TPRG1: variants seen among roughly 807,000 people sequenced by gnomAD.
TPRG1 encodes the protein tumor protein p63 regulated 1.
Under a neutral mutation model 29.3 loss-of-function variants are expected in TPRG1, and 29 were observed. That is an observed-to-expected ratio of 0.99 (90% CI 0.74 to 1.35). The LOEUF (loss-of-function observed/expected upper bound fraction) is 1.35, where lower values mean the gene tolerates loss of function less well. Among genes scored for constraint, TPRG1 ranks in the 40% most tolerant of loss-of-function variants. The pLI is 0.00. For synonymous variants in TPRG1, 130 were observed against 116.8 expected (o/e 1.11, Z -0.73); for missense variants, 327 against 335.0 (o/e 0.98, Z 0.19).
intron 2 of TPRG1, among the ~76,000 whole-genome samples, chr3:189,127,981 C>T (rs973241831): frequency 6.6e-6 from 1 of 152,208 alleles, no homozygotes; most frequent in Admixed American, 6.5e-5. Flanking sequence ...AAGAGGTGGG[C>T]TCCTACTTTA....
chr3:189,083,445 G>A (rs796531637), intron 4 of TPRG1, among the ~76,000 whole-genome samples: 31 of 152,318 alleles, frequency 2.0e-4, no homozygotes, highest in African/African-American at 6.7e-4. Context: ...GGCCTGTCAC[G>A]CCATCTACCC....
intron 4 of TPRG1, among the ~76,000 whole-genome samples, chr3:189,041,041 T>C (rs710514): frequency 1 from 152,156 of 152,312 alleles, 76,000 homozygotes; most frequent in Middle Eastern, 1. Flanking sequence ...TGAACCAGGG[T>C]GCCTTTGCAC....
At chr3:189,251,647 A>G (rs1447654789) in intron 4 of TPRG1, among the ~76,000 whole-genome samples, 2 of 152,210 alleles carry the variant, frequency 1.3e-5, no homozygotes, top group East Asian at 1.9e-4. Context: ...AGGTCTCTGC[A>G]TCATAGACAA....
chr3:189,245,048 G>T (rs768915358), intron 4 of TPRG1, among the ~76,000 whole-genome samples: 2 of 152,056 alleles, frequency 1.3e-5, no homozygotes, highest in African/African-American at 2.4e-5. Context: ...AGCCTCCCAA[G>T]TAGCTGAGAT....
chr3:189,039,800 C>T (rs1406564109), intron 4 of TPRG1, among the ~76,000 whole-genome samples: 1 of 151,294 alleles, frequency 6.6e-6, no homozygotes, highest in Non-Finnish European at 1.5e-5. Flanking sequence ...TCAGATGGCA[C>T]CTTGGAAAGG....
rs1051962957 is a variant in TPRG1 at position 189,325,087 on chromosome 3, G to A, written c.*4267G>A. On this transcript the variant is annotated 3_prime_UTR_variant, in exon 6 of 6. Coordinates refer to ENST00000345063, the MANE Select transcript of TPRG1 (RefSeq NM_198485.4). The stretch of plus-strand genomic sequence containing the variant: ...GCTAAGGAAAAACTCTGAGGCCTTG[G>A]AGTTACTGAGAGTGGACCAATACTT... 1 of 152,020 alleles carries A rather than the reference G, an allele frequency of 6.6e-6. No individual in the cohort carries two copies. The highest frequency in any genetic ancestry group is 2.4e-5 in the African/African-American group (1 of 41,370). 9.4% of individuals were successfully genotyped at this position (152,020 alleles called of 1,614,324 possible). A position where few individuals can be genotyped will look rare whatever the true frequency, so the allele number is the denominator to read the frequency against.
At chr3:189,156,808 T>A (rs187888497) in intron 5 of TPRG1, among the ~76,000 whole-genome samples, 2 of 152,340 alleles carry the variant, frequency 1.3e-5, no homozygotes, top group Admixed American at 1.3e-4. Flanking sequence ...TATTTCTTAT[T>A]TTAAGGTACA....
chr3:189,280,953 AGGT>A (rs1717030834), intron 4 of TPRG1, among the ~76,000 whole-genome samples: 1 of 152,178 alleles, frequency 6.6e-6, no homozygotes, highest in Admixed American at 6.5e-5. Flanking sequence ...GATTCAGGAA[AGGT>A]GGTCTGCAGC....
intron 4 of TPRG1, among the ~76,000 whole-genome samples, chr3:189,081,493 T>C (rs960356869): frequency 2.0e-5 from 3 of 152,172 alleles, no homozygotes; most frequent in Non-Finnish European, 4.4e-5. Context: ...CAAGGTATAG[T>C]TACATGATGA....
intron 3 of TPRG1, among the ~76,000 whole-genome samples, chr3:189,143,546 A>G (rs1724855908): frequency 6.6e-6 from 1 of 152,212 alleles, no homozygotes; most frequent in South Asian, 2.1e-4. Context: ...CTGTGTGAGT[A>G]TGGTCTCCTC....
chr3:189,285,278 T>G (rs1717862868), intron 4 of TPRG1, among the ~76,000 whole-genome samples: 1 of 152,178 alleles, frequency 6.6e-6, no homozygotes, highest in South Asian at 2.1e-4. Flanking sequence ...ATAAGAAGTT[T>G]GGGAAAGTGC....
intron 3 of TPRG1, chr3:189,219,460 C>A: frequency 1.9e-6 from 1 of 517,908 alleles, no homozygotes; most frequent in South Asian, 2.2e-5. Context: ...TCTATAAAGA[C>A]AGGATAGTGT....
chr3:189,057,193 A>G (rs543020245), intron 4 of TPRG1, among the ~76,000 whole-genome samples: 11 of 152,304 alleles, frequency 7.2e-5, no homozygotes, highest in African/African-American at 2.2e-4. Flanking sequence ...ATTGTTTCAT[A>G]CACAGTGGCA....
intron 4 of TPRG1, among the ~76,000 whole-genome samples, chr3:189,027,987 T>TA (rs1713748490): frequency 6.6e-6 from 1 of 152,192 alleles, no homozygotes; most frequent in Non-Finnish European, 1.5e-5. Context: ...ATTGAGAACT[T>TA]ACAGTGTGCC....
intron 1 of TPRG1, among the ~76,000 whole-genome samples, chr3:189,107,401 A>G (rs1719952562): frequency 6.6e-6 from 1 of 152,168 alleles, no homozygotes; most frequent in Non-Finnish European, 1.5e-5. Flanking sequence ...GAGTGGCTTA[A>G]AAAAGTAAAA....
intron 1 of TPRG1, among the ~76,000 whole-genome samples, chr3:189,206,808 CGTGT>C (rs142505576): frequency 1.6e-4 from 24 of 147,728 alleles, no homozygotes; most frequent in Admixed American, 1.1e-3. Context: ...GCTGAACAAC[CGTGT>C]GTGTGTGTGT....
chr3:189,028,605 T>C lies in TPRG1; in HGVS notation c.-463+4659T>C, dbSNP rs148804638. On this transcript the variant is annotated intron_variant, in intron 4 of 10. Coordinates refer to the TPRG1 transcript ENST00000433971. ...TTCCAGTTCCCCCTTTAGCAGTTTT[T>C]AGGGTTTGTAATTACCTGCCCTTTC... Among the ~76,000 whole-genome samples, 424 of 152,330 alleles carry C rather than the reference T, an allele frequency of 2.8e-3. 2 individuals carry two copies. The highest frequency in any genetic ancestry group is 9.0e-3 in the African/African-American group (374 of 41,584).
intron 5 of TPRG1, among the ~76,000 whole-genome samples, chr3:189,312,165 CTTTCTTTCTTTCTTTCTTTTTT>C (rs1722721737): frequency 1.5e-5 from 1 of 68,642 alleles, no homozygotes; most frequent in African/African-American, 6.1e-5. Context: ...TTCTTTCTTT[CTTTCTTTCTTTCTTTCTTTTTT>C]TCTTTCTTTC....
intron 3 of TPRG1, among the ~76,000 whole-genome samples, chr3:189,145,082 G>A (rs1020624582): frequency 8.5e-5 from 13 of 152,106 alleles, no homozygotes; most frequent in African/African-American, 1.9e-4. Context: ...AAATGACACC[G>A]GCCGGGTGCG....
Sources: allele counts gnomAD v4.1 joint callset (sites outside exome capture counted in the v4.1 genomes callset), GRCh38; gene constraint gnomAD v4.1.1; transcripts MANE v1.5; gene names NCBI Gene and HGNC (gene_info 2026-07-23, HGNC 2026-07-21).